Variants in PPP1CB observed in about 807,000 individuals in gnomAD.
PPP1CB encodes the protein protein phosphatase 1 catalytic subunit beta.
In PPP1CB, 2 loss-of-function variants were observed where a neutral mutation model predicts 43.7. The ratio of observed to expected loss-of-function variants is 0.05; its 90% CI spans 0.02 to 0.14. The LOEUF (loss-of-function observed/expected upper bound fraction) is 0.14. Among genes scored for constraint, PPP1CB ranks in the 10% least tolerant of loss-of-function variants. The pLI, the probability that PPP1CB is intolerant of heterozygous loss-of-function variation, is 1.00. For synonymous variants in PPP1CB, 136 were observed against 135.6 expected (o/e 1.00, Z -0.02); for missense variants, 84 against 398.0 (o/e 0.21, Z 6.71).
intron 1 of PPP1CB, among the ~76,000 whole-genome samples, chr2:28,768,747 A>G (rs893403581): frequency 1.3e-5 from 2 of 152,200 alleles, no homozygotes; most frequent in Admixed American, 6.5e-5. Flanking sequence ...TCAGTATTTC[A>G]TTCACCAAAA....
At chr2:28,796,607 T>G (rs544029228) in intron 7 of PPP1CB, among the ~76,000 whole-genome samples, 1 of 152,244 alleles carries the variant, frequency 6.6e-6, no homozygotes, top group South Asian at 2.1e-4. Context: ...ATGCTACTGG[T>G]TTTTATACAT....
At position 28,779,020 on chromosome 2, in the gene PPP1CB, T is replaced by A; in HGVS notation, c.396T>A (p.Ile132=). 1 of 1,586,106 alleles carries A rather than the reference T, an allele frequency of 6.3e-7. No homozygotes were observed. ...ATGAGTGTGCTAGCATCAATCGCAT[T>A]TATGGATTCTATGATGAATGTAAGT... The part of the protein sequence containing the change: ...GNHECASINR[I]YGFYDECKRR... Residue 132 remains isoleucine, a synonymous_variant, in exon 3 of 8, where the codon ATT becomes ATA. Transcript: ENST00000395366.
chr2:28,758,857 G>A (rs1666551370), intron 1 of PPP1CB, among the ~76,000 whole-genome samples: 1 of 152,230 alleles, frequency 6.6e-6, no homozygotes, highest in Non-Finnish European at 1.5e-5. Context: ...AGAGGGAATA[G>A]CGTTTGCTTT....
At chr2:28,792,797 C>A (rs1435419350) in intron 6 of PPP1CB, among the ~76,000 whole-genome samples, 4 of 152,158 alleles carry the variant, frequency 2.6e-5, no homozygotes, top group Non-Finnish European at 5.9e-5. Flanking sequence ...TAAAAGTAAT[C>A]TTGCCCACCG....
intron 5 of PPP1CB, among the ~76,000 whole-genome samples, chr2:28,787,318 G>C (rs910407880): frequency 6.6e-6 from 1 of 152,088 alleles, no homozygotes; most frequent in Non-Finnish European, 1.5e-5. Flanking sequence ...AATTAGCCGG[G>C]CGTGGTAGCG....
At chr2:28,794,353 C>T (rs771041822) in intron 7 of PPP1CB, among the ~76,000 whole-genome samples, 9 of 152,082 alleles carry the variant, frequency 5.9e-5, no homozygotes, top group Non-Finnish European at 1.0e-4. Flanking sequence ...ATGGGTGGAA[C>T]AGACACTGGG....
At position 28,752,054 on chromosome 2, in the gene PPP1CB, C is replaced by T. The variant is rs1028148188; in HGVS notation, c.-71C>T. On this transcript the variant is annotated 5_prime_UTR_variant, in exon 1 of 8. Transcript: ENST00000395366. ...GACTTGTAGGTGAGAGAACGCCGAG[C>T]CGTCGCCGCAGCCTCCGCCGCCGAG... 2 of 1,439,124 alleles carry T rather than the reference C, an allele frequency of 1.4e-6. No homozygotes were observed. The highest frequency in any genetic ancestry group is 1.9e-6 in the Non-Finnish European group (2 of 1,045,768). 89.1% of individuals were successfully genotyped at this position (1,439,124 alleles called of 1,614,324 possible).
intron 1 of PPP1CB, among the ~76,000 whole-genome samples, chr2:28,759,768 C>T (rs985526233): frequency 1.3e-5 from 2 of 151,858 alleles, no homozygotes; most frequent in African/African-American, 4.8e-5. Flanking sequence ...TAGGCGTGCA[C>T]CACCACACCT....
chr2:28,775,940 A>G (rs1451697028), intron 1 of PPP1CB, among the ~76,000 whole-genome samples: 2 of 152,200 alleles, frequency 1.3e-5, no homozygotes, highest in South Asian at 2.1e-4. Context: ...AGGTTTTAAT[A>G]TAATGATCTA....
At chr2:28,763,659 T>C (rs1666711165) in intron 1 of PPP1CB, among the ~76,000 whole-genome samples, 1 of 152,142 alleles carries the variant, frequency 6.6e-6, no homozygotes. Context: ...CAATTTGTGG[T>C]ACTATACAGA....
intron 1 of PPP1CB, among the ~76,000 whole-genome samples, chr2:28,766,909 G>A (rs1374949768): frequency 1.3e-5 from 2 of 151,926 alleles, no homozygotes; most frequent in Non-Finnish European, 2.9e-5. Flanking sequence ...GTGAAACCCC[G>A]TCTCTACTAA....
At chr2:28,788,597 G>A (rs1013214452) in intron 5 of PPP1CB, 61 bp from the exon 6 acceptor site, 15 of 1,523,242 alleles carry the variant, frequency 9.8e-6, no homozygotes, top group Admixed American at 5.6e-5. Context: ...TGATGTAGAT[G>A]TGCTATATTC....
Position 28,801,451 on chromosome 2 carries a change from A to G in PPP1CB, c.*2148A>G, listed in dbSNP as rs1047177488. 1 of 151,038 alleles carries G rather than the reference A, an allele frequency of 6.6e-6. No individual in the cohort carries two copies. The highest frequency in any genetic ancestry group is 1.5e-5 in the Non-Finnish European group (1 of 67,782). The allele number at this position is 151,038 out of a possible 1,614,324, so 9.4% of individuals were successfully genotyped here. On this transcript the variant is annotated 3_prime_UTR_variant, in exon 8 of 8. Transcript: ENST00000395366. Reference sequence around the variant, plus strand: ...GGAATCCTTTTTTTTTTTTTTAAAGACTAAATGTGAAAAAATAATCACTAC... The same window carrying G: ...GGAATCCTTTTTTTTTTTTTTAAAGGCTAAATGTGAAAAAATAATCACTAC...
intron 1 of PPP1CB, among the ~76,000 whole-genome samples, chr2:28,756,681 C>T (rs915130902): frequency 6.6e-6 from 1 of 151,988 alleles, no homozygotes; most frequent in Non-Finnish European, 1.5e-5. Context: ...ACGGGGTCTC[C>T]CTATGTTGGT....
At chr2:28,782,967 T>G (rs919450819) in intron 4 of PPP1CB, 2 of 152,214 alleles carry the variant, frequency 1.3e-5, no homozygotes, top group African/African-American at 4.8e-5. Flanking sequence ...TCTTGTACAT[T>G]AGTGTAGCTA....
In PPP1CB at chr2:28,776,882, G is replaced by C; in HGVS notation, c.84G>C (p.Gln28His). The C allele has an allele frequency of 6.2e-7, 1 of 1,613,182 alleles. No homozygotes were observed. The highest frequency in any genetic ancestry group is 8.5e-7 in the Non-Finnish European group (1 of 1,179,324). Residue 28 changes from glutamine to histidine, a missense_variant, in exon 2 of 8, where the codon CAG (glutamine) becomes CAC (histidine). By Grantham distance (24) the Gln-to-His change is conservative. Transcript: ENST00000395366. The stretch of plus-strand genomic sequence containing the variant: ...GATGTCGTCCAGGAAAGATTGTGCA[G>C]ATGACTGAAGCAGAAGTTCGAGGCT... ...VRGCRPGKIV[Q>H]MTEAEVRGLC...
chr2:28,781,074 A>G (rs988985621), intron 3 of PPP1CB, among the ~76,000 whole-genome samples: 11 of 152,124 alleles, frequency 7.2e-5, no homozygotes, highest in Non-Finnish European at 1.6e-4. Context: ...CACTGAACGG[A>G]AAAAAATGAA....
At chr2:28,786,350 G>C (rs1199606465) in intron 5 of PPP1CB, among the ~76,000 whole-genome samples, 1 of 152,112 alleles carries the variant, frequency 6.6e-6, no homozygotes, top group Non-Finnish European at 1.5e-5. Flanking sequence ...CTGACCTCTG[G>C]TGATCCGCCC....
chr2:28,763,943 C>A (rs753497971), intron 1 of PPP1CB, among the ~76,000 whole-genome samples: 1 of 151,784 alleles, frequency 6.6e-6, no homozygotes, highest in South Asian at 2.1e-4. Flanking sequence ...CCTCCTGATC[C>A]GCCCACCTTA....
Sources: allele counts gnomAD v4.1 joint callset (sites outside exome capture counted in the v4.1 genomes callset), GRCh38; gene constraint gnomAD v4.1.1; transcripts MANE v1.5; gene names NCBI Gene and HGNC (gene_info 2026-07-23, HGNC 2026-07-21).